The following TBL1XR1 variants were observed in gnomAD, a reference collection of about 807,000 sequenced individuals.
TBL1XR1 encodes the protein TBL1X/Y related 1, also known as F-box-like/WD repeat-containing protein TBL1XR1.
TBL1XR1 carries 5 observed loss-of-function variants against 66.9 expected under a neutral mutation model. The observed-to-expected ratio is 0.07, with a 90% CI of 0.04 to 0.16. The LOEUF (loss-of-function observed/expected upper bound fraction) is 0.16. TBL1XR1 is among the 10% of genes least tolerant of loss of function. TBL1XR1 has a pLI of 1.00. For synonymous variants in TBL1XR1, 210 were observed against 206.0 expected (o/e 1.02, Z -0.17); for missense variants, 238 against 623.2 (o/e 0.38, Z 6.58).
intron 3 of TBL1XR1, among the ~76,000 whole-genome samples, chr3:177,062,988 G>A (rs912148569): frequency 4.0e-5 from 6 of 151,872 alleles, no homozygotes; most frequent in Non-Finnish European, 4.4e-5. Context: ...TACAAAATTA[G>A]CCAGGCATGG....
chr3:177,180,832 G>A (rs145053409), intron 1 of TBL1XR1, among the ~76,000 whole-genome samples: 1 of 152,092 alleles, frequency 6.6e-6, no homozygotes, highest in Non-Finnish European at 1.5e-5. Flanking sequence ...TGCCTCCTGG[G>A]TTCAAGGGAT....
At chr3:177,058,661 T>C (rs1193811705) in intron 3 of TBL1XR1, among the ~76,000 whole-genome samples, 1 of 152,232 alleles carries the variant, frequency 6.6e-6, no homozygotes, top group Non-Finnish European at 1.5e-5. Context: ...GAAGGGGATA[T>C]AAGCATTTTA....
At position 177,021,358 on chromosome 3, in the gene TBL1XR1, T is replaced by C. The variant is rs1463114878; in HGVS notation, c.*4140A>G. 2.2e-5 allele frequency: 3 copies of C among 138,586 alleles called. No homozygotes were observed. The highest frequency in any genetic ancestry group is 8.2e-5 in the African/African-American group (3 of 36,682). 8.6% of individuals were successfully genotyped at this position (138,586 alleles called of 1,614,324 possible). A position where few individuals can be genotyped will look rare whatever the true frequency, so the allele number is the denominator to read the frequency against. On this transcript the variant is annotated 3_prime_UTR_variant, in exon 16 of 16. Transcript: ENST00000457928. ...TCCGGAAATTCCAAAGAAAACATCATGAAACAGCTTACAAAAAAAAAAAAA... is the reference window on the plus strand; with the variant it reads ...TCCGGAAATTCCAAAGAAAACATCACGAAACAGCTTACAAAAAAAAAAAAA...
chr3:177,145,812 T>C (rs920124542), intron 1 of TBL1XR1, among the ~76,000 whole-genome samples: 2 of 152,226 alleles, frequency 1.3e-5, no homozygotes, highest in African/African-American at 4.8e-5. Context: ...TCTCCAGGTG[T>C]TGAACATATA....
At chr3:177,155,779 G>A (rs550652607) in intron 1 of TBL1XR1, among the ~76,000 whole-genome samples, 1 of 152,178 alleles carries the variant, frequency 6.6e-6, no homozygotes, top group Non-Finnish European at 1.5e-5. Flanking sequence ...ACTCCGGGAA[G>A]AGGGCGGATC....
intron 1 of TBL1XR1, among the ~76,000 whole-genome samples, chr3:177,183,879 G>C (rs1366487151): frequency 1.3e-5 from 2 of 151,958 alleles, no homozygotes; most frequent in Non-Finnish European, 2.9e-5. Context: ...AGGCAAGGTG[G>C]ATCACCTGAA....
At chr3:177,025,714 C>T (rs926595727) in intron 15 of TBL1XR1, among the ~76,000 whole-genome samples, 190 bp from the exon 16 acceptor site, 2 of 152,186 alleles carry the variant, frequency 1.3e-5, no homozygotes, top group East Asian at 3.9e-4. Context: ...ATCAAGAGAA[C>T]AACCATGAGC....
At chr3:177,054,953 G>A (rs143490507) in intron 3 of TBL1XR1, among the ~76,000 whole-genome samples, 23 of 151,914 alleles carry the variant, frequency 1.5e-4, no homozygotes, top group South Asian at 4.2e-4. Flanking sequence ...ATAAACCAAG[G>A]GTGGTTATTT....
At chr3:177,195,841 T>C (rs1033695823) in intron 1 of TBL1XR1, among the ~76,000 whole-genome samples, 6 of 152,176 alleles carry the variant, frequency 3.9e-5, no homozygotes, top group African/African-American at 7.2e-5. Context: ...AAGTGAATAG[T>C]AAACTTTCCT....
chr3:177,103,982 G>A (rs190190049), intron 1 of TBL1XR1, among the ~76,000 whole-genome samples: 2 of 152,100 alleles, frequency 1.3e-5, no homozygotes, highest in Admixed American at 1.3e-4. Flanking sequence ...CAGGTATGGT[G>A]GCAGATGCCT....
At chr3:177,048,852 T>C (rs560822339) in intron 7 of TBL1XR1, among the ~76,000 whole-genome samples, 1 of 152,336 alleles carries the variant, frequency 6.6e-6, no homozygotes, top group African/African-American at 2.4e-5. Flanking sequence ...CAATATTCAT[T>C]AACCATCCTT....
intron 1 of TBL1XR1, among the ~76,000 whole-genome samples, chr3:177,176,068 A>G (rs1734112011): frequency 6.6e-6 from 1 of 151,422 alleles, no homozygotes; most frequent in Non-Finnish European, 1.5e-5. Context: ...CTAAAAAAAA[A>G]AAAAAATTAA....
intron 2 of TBL1XR1, among the ~76,000 whole-genome samples, chr3:177,093,883 T>C (rs762528586): frequency 3.3e-4 from 50 of 152,146 alleles, no homozygotes; most frequent in African/African-American, 8.0e-4. Flanking sequence ...GAAGATAACA[T>C]TGGGAAAACC....
At chr3:177,115,141 G>A (rs945934127) in intron 1 of TBL1XR1, among the ~76,000 whole-genome samples, 3 of 152,118 alleles carry the variant, frequency 2.0e-5, no homozygotes, top group Admixed American at 6.5e-5. Flanking sequence ...AGAGTACAGT[G>A]TAATGCCATC....
rs756265295 is a variant in TBL1XR1, at chr3:177,155,773, CG to C, written c.-122+41347del. Among the ~76,000 whole-genome samples, 512 of 152,194 alleles carry C rather than the reference CG, an allele frequency of 3.4e-3. 2 individuals carry two copies. Among genetic ancestry groups the C allele is most frequent in the Non-Finnish European group, 5.4e-3 (370 of 67,996 alleles). ...GCTCATGCCTGTAATCCGTGCACTCCGGGAAGAGGGCGGATCCCCTGAGGTC... is the reference window on the plus strand; with the variant it reads ...GCTCATGCCTGTAATCCGTGCACTCCGGAAGAGGGCGGATCCCCTGAGGTC... On this transcript the variant is annotated intron_variant, in intron 1 of 15. Transcript: ENST00000457928.
intron 1 of TBL1XR1, among the ~76,000 whole-genome samples, chr3:177,113,695 A>T (rs888862703): frequency 1.3e-5 from 2 of 152,104 alleles, no homozygotes; most frequent in Non-Finnish European, 1.5e-5. Context: ...AATAAAAATA[A>T]ATAAATGGCA....
intron 2 of TBL1XR1, among the ~76,000 whole-genome samples, chr3:177,086,791 A>G (rs193231041): frequency 3.0e-4 from 46 of 151,940 alleles, no homozygotes; most frequent in African/African-American, 9.2e-4. Flanking sequence ...AAATCCACAT[A>G]TAACTTCCGA....
At chr3:177,199,151 T>G (rs957289763), upstream of TBL1XR1, among the ~76,000 whole-genome samples, 2 of 152,188 alleles carry the variant, frequency 1.3e-5, no homozygotes, top group Non-Finnish European at 2.9e-5. Context: ...TGGTGTGTCC[T>G]TAGAGCTATT....
At chr3:177,191,629 T>TA (rs1401025007) in intron 1 of TBL1XR1, among the ~76,000 whole-genome samples, 1 of 152,156 alleles carries the variant, frequency 6.6e-6, no homozygotes, top group Non-Finnish European at 1.5e-5. Context: ...ATAAGGCTCA[T>TA]AGAGGAACTG....
Sources: allele counts gnomAD v4.1 joint callset (sites outside exome capture counted in the v4.1 genomes callset), GRCh38; gene constraint gnomAD v4.1.1; transcripts MANE v1.5; gene names NCBI Gene and HGNC (gene_info 2026-07-23, HGNC 2026-07-21).